Variants in ACOXL observed in about 807,000 individuals in gnomAD.
ACOXL encodes the protein acyl-CoA oxidase like.
A neutral mutation model predicts 71.9 loss-of-function variants in ACOXL; 70 were observed. The observed-to-expected ratio is 0.97, with a 90% confidence interval of 0.80 to 1.19. ACOXL has a LOEUF of 1.19. ACOXL is among the 50% of genes most tolerant of loss of function. ACOXL has a pLI of 0.00. For missense variants in ACOXL, 703 were observed against 736.3 expected (o/e 0.95, Z 0.52); for synonymous variants, 253 against 281.6 (o/e 0.90, Z 1.02).
At chr2:111,007,051 G>A (rs2063910925) in intron 14 of ACOXL, among the ~76,000 whole-genome samples, 3 of 152,164 alleles carry the variant, frequency 2.0e-5, no homozygotes, top group Admixed American at 2.0e-4. Context: ...ATAAGGAAAA[G>A]GAAGAAGTTA....
At chr2:111,044,016 G>A (rs1380941536) in intron 15 of ACOXL, among the ~76,000 whole-genome samples, 2 of 152,174 alleles carry the variant, frequency 1.3e-5, no homozygotes, top group African/African-American at 4.8e-5. Context: ...GAATTACAAA[G>A]CAAGCTTACA....
At chr2:110,840,131 C>T (rs1028626416) in intron 9 of ACOXL, among the ~76,000 whole-genome samples, 2 of 152,132 alleles carry the variant, frequency 1.3e-5, no homozygotes, top group East Asian at 1.9e-4. Flanking sequence ...GCCGGGATTA[C>T]AGGTGCCCGC....
intron 9 of ACOXL, among the ~76,000 whole-genome samples, chr2:110,819,890 AC>A (rs1688394623): frequency 6.6e-6 from 1 of 152,194 alleles, no homozygotes; most frequent in African/African-American, 2.4e-5. Context: ...CCTCTGCCTC[AC>A]TTGGCTATGT....
intron 12 of ACOXL, among the ~76,000 whole-genome samples, chr2:110,964,128 C>G (rs1266591780): frequency 1.3e-5 from 2 of 152,164 alleles, no homozygotes; most frequent in African/African-American, 4.8e-5. Context: ...CTCATGTTTT[C>G]AAGTATGTTG....
At chr2:110,870,526 TTAAA>T (rs1418962844) in intron 10 of ACOXL, among the ~76,000 whole-genome samples, 1 of 152,114 alleles carries the variant, frequency 6.6e-6, no homozygotes, top group Non-Finnish European at 1.5e-5. Context: ...AGGATAAAGT[TTAAA>T]TAACATCAGC....
chr2:111,033,471 T>G (rs2065367301), intron 15 of ACOXL, among the ~76,000 whole-genome samples: 1 of 152,186 alleles, frequency 6.6e-6, no homozygotes. Flanking sequence ...ATTAGGAGGT[T>G]GCAGGAAGTC....
rs146481299 is a variant in ACOXL at position 110,805,473 on chromosome 2, C to G, written c.753+78C>G. 7.9e-4 allele frequency: 1,255 copies of G among 1,584,218 alleles called. 3 individuals carry two copies. Among genetic ancestry groups the G allele is most frequent in the Middle Eastern group, 4.1e-3 (24 of 5,896 alleles). On this transcript the variant is annotated intron_variant, in intron 9 of 17. Coordinates refer to ENST00000439055, the MANE Select transcript of ACOXL (RefSeq NM_001142807.4). ...CAGGGATGAGTAACAATTCCAGGAGCTGAGCTTCTGGAGCCACAGTTGGTA... is the reference window on the plus strand; with the variant it reads ...CAGGGATGAGTAACAATTCCAGGAGGTGAGCTTCTGGAGCCACAGTTGGTA...
chr2:110,933,701 G>A, intron 12 of ACOXL, 59 bp downstream of exon 12: 1 of 1,525,868 alleles, frequency 6.6e-7, no homozygotes, highest in Non-Finnish European at 8.8e-7. Context: ...CACTGGGGGA[G>A]CACTGTGGGG....
chr2:110,800,724 T>C (rs1205636264), intron 7 of ACOXL, among the ~76,000 whole-genome samples: 1 of 152,118 alleles, frequency 6.6e-6, no homozygotes. Context: ...CCTTAGTGTT[T>C]ACTGTGCACT....
At chr2:110,896,543 C>T (rs1158051383) in intron 10 of ACOXL, among the ~76,000 whole-genome samples, 2 of 151,992 alleles carry the variant, frequency 1.3e-5, no homozygotes, top group East Asian at 1.9e-4. Context: ...AAAGACATAT[C>T]GTGCAAAGAT....
At chr2:110,779,551 C>T (rs1050375837) in intron 2 of ACOXL, among the ~76,000 whole-genome samples, 4 of 152,190 alleles carry the variant, frequency 2.6e-5, no homozygotes, top group Non-Finnish European at 4.4e-5. Flanking sequence ...AGTTAGAAGA[C>T]TCACTACATG....
chr2:111,102,807 G>T (rs1340989934), intron 17 of ACOXL, among the ~76,000 whole-genome samples: 1 of 152,168 alleles, frequency 6.6e-6, no homozygotes, highest in East Asian at 1.9e-4. Context: ...TGTATAAATT[G>T]ATATTCTAGC....
chr2:111,009,030 C>T lies in ACOXL; in HGVS notation c.1281+13026C>T, dbSNP rs148589806. ...ATATTGAAAAAATTTTCTCCCAGTT[C>T]GTCACTTGTCTTTCGACTTTGTTCA... On this transcript the variant is annotated intron_variant, in intron 14 of 17. Coordinates refer to ENST00000439055, the MANE Select transcript of ACOXL (RefSeq NM_001142807.4). Among the ~76,000 whole-genome samples, 728 of 152,234 alleles carry T rather than the reference C, an allele frequency of 4.8e-3. 7 individuals carry two copies. Among genetic ancestry groups the T allele is most frequent in the Non-Finnish European group, 6.9e-3 (468 of 68,014 alleles).
intron 1 of ACOXL, among the ~76,000 whole-genome samples, chr2:110,749,756 C>G (rs940461128): frequency 6.6e-6 from 1 of 152,144 alleles, no homozygotes; most frequent in Non-Finnish European, 1.5e-5. Flanking sequence ...CTATTAAACT[C>G]TAGACTTGGT....
chr2:111,008,735 T>G (rs1326615484), intron 14 of ACOXL, among the ~76,000 whole-genome samples: 1 of 152,214 alleles, frequency 6.6e-6, no homozygotes, highest in East Asian at 1.9e-4. Flanking sequence ...TTCATTCCAC[T>G]GAGTGAAGTC....
chr2:111,043,179 G>T (rs1184956233), intron 15 of ACOXL, among the ~76,000 whole-genome samples: 1 of 152,196 alleles, frequency 6.6e-6, no homozygotes, highest in Non-Finnish European at 1.5e-5. Flanking sequence ...GACAGGGCAG[G>T]CTGGGGGACA....
At chr2:110,971,681 C>G (rs2062195656) in intron 12 of ACOXL, among the ~76,000 whole-genome samples, 1 of 152,184 alleles carries the variant, frequency 6.6e-6, no homozygotes, top group Non-Finnish European at 1.5e-5. Flanking sequence ...GCTCCCCATT[C>G]CCTCTTAGCT....
chr2:110,934,978 G>A (rs2149346195), intron 12 of ACOXL, among the ~76,000 whole-genome samples: 1 of 152,276 alleles, frequency 6.6e-6, no homozygotes, highest in South Asian at 2.1e-4. Context: ...AGCTAAGGAG[G>A]GCCCTGCCAG....
intron 9 of ACOXL, among the ~76,000 whole-genome samples, chr2:110,834,734 G>A (rs576178742): frequency 1.3e-5 from 2 of 152,358 alleles, no homozygotes; most frequent in East Asian, 1.9e-4. Context: ...AGAGGAGGTT[G>A]AGAGCAGAGG....
Sources: allele counts gnomAD v4.1 joint callset (sites outside exome capture counted in the v4.1 genomes callset), GRCh38; gene constraint gnomAD v4.1.1; transcripts MANE v1.5; gene names NCBI Gene and HGNC (gene_info 2026-07-23, HGNC 2026-07-21).